The following USP3 variants were observed in gnomAD, a reference collection of about 807,000 sequenced individuals.
USP3 encodes ubiquitin carboxyl-terminal hydrolase 3.
USP3 carries 20 observed loss-of-function variants against 72.3 expected under a neutral mutation model. The ratio of observed to expected loss-of-function variants is 0.28; its 90% CI spans 0.19 to 0.40. The LOEUF (loss-of-function observed/expected upper bound fraction) is 0.40. USP3 is among the 10% of genes least tolerant of loss of function. The pLI is 1.00. For synonymous variants in USP3, 222 were observed against 225.3 expected (o/e 0.99, Z 0.13); for missense variants, 479 against 633.9 (o/e 0.76, Z 2.62).
In USP3 at chr15:63,593,632, A is replaced by G. The variant is rs887521274; in HGVS notation, c.*2806A>G. ...GTTTTACTTGAACAGAAACGTTTGAATGGTGTGAAGATTCTTTAGAAAAGT... is the reference window on the plus strand; with the variant it reads ...GTTTTACTTGAACAGAAACGTTTGAGTGGTGTGAAGATTCTTTAGAAAAGT... On this transcript the variant is annotated 3_prime_UTR_variant, in exon 15 of 15. Transcript: ENST00000380324. 1 of 152,226 alleles carries G rather than the reference A, an allele frequency of 6.6e-6. No homozygotes were observed. The highest frequency in any genetic ancestry group is 2.4e-5 in the African/African-American group (1 of 41,454). The allele number at this position is 152,226 out of a possible 1,614,324, so 9.4% of individuals were successfully genotyped here. A position where few individuals can be genotyped will look rare whatever the true frequency, so the allele number is the denominator to read the frequency against.
At chr15:63,511,799 A>G (rs1277601226) in intron 1 of USP3, among the ~76,000 whole-genome samples, 1 of 151,992 alleles carries the variant, frequency 6.6e-6, no homozygotes. Context: ...AGAATTTTGC[A>G]TTTGCTTCTG....
intron 3 of USP3, among the ~76,000 whole-genome samples, chr15:63,547,768 GA>G (rs2066359800): frequency 5.7e-5 from 1 of 17,398 alleles, no homozygotes; most frequent in African/African-American, 3.9e-4. Flanking sequence ...GAGGGAGAGA[GA>G]GAGAGAGAGA....
At chr15:63,558,302 T>A in intron 6 of USP3, 114 bp downstream of exon 6, 1 of 1,144,152 alleles carries the variant, frequency 8.7e-7, no homozygotes, top group Non-Finnish European at 1.3e-6. Flanking sequence ...CAAGATACCT[T>A]AATTTCCTGT....
chr15:63,572,340 G>A lies in USP3; in HGVS notation c.909-1706G>A, dbSNP rs556701191. 3.8e-4 allele frequency among the ~76,000 whole-genome samples: 58 copies of A among 151,850 alleles called. No individual in the cohort carries two copies. In the East Asian group the frequency reaches 0.011, roughly 28 times the overall value. On this transcript the variant is annotated intron_variant, in intron 9 of 14. Transcript: ENST00000380324. ...CAAACTTGTATGTGAACATCAGCATGAAAGGGTCAGTTAGAGTCCCTTCAT... is the reference window on the plus strand; with the variant it reads ...CAAACTTGTATGTGAACATCAGCATAAAAGGGTCAGTTAGAGTCCCTTCAT...
chr15:63,542,033 T>C, intron 3 of USP3: 2 of 985,134 alleles, frequency 2.0e-6, no homozygotes, highest in Non-Finnish European at 2.4e-6. Context: ...TTTATTTGTA[T>C]GATTATTCCT....
rs766820664 is a variant in USP3 at position 63,512,347 on chromosome 15, C to CT, written c.91+7518dup. ...CTTCTTCCTCTTCCTCCTCTTCCTC[C>CT]TCTTCCTCTTCTTCTTCTTTCTTCT... On this transcript the variant is annotated intron_variant, in intron 1 of 14. Transcript: ENST00000380324. 3.0e-3 allele frequency among the ~76,000 whole-genome samples: 298 copies of CT among 98,218 alleles called. 2 individuals are homozygous for CT. The highest frequency in any genetic ancestry group is 8.5e-3 in the African/African-American group (273 of 32,278). 64.4% of individuals were successfully genotyped at this position (98,218 alleles called of 152,430 possible).
chr15:63,540,034 C>T (rs1315171119), intron 3 of USP3, among the ~76,000 whole-genome samples: 1 of 152,160 alleles, frequency 6.6e-6, no homozygotes, highest in Non-Finnish European at 1.5e-5. Flanking sequence ...ACACTAATTT[C>T]TTGTGGTTAG....
At position 63,504,792 on chromosome 15, in the gene USP3, A is replaced by C. The variant is rs763008032; in HGVS notation, c.53A>C (p.Lys18Thr). 4 of 1,611,154 alleles carry C rather than the reference A, an allele frequency of 2.5e-6. No homozygotes were observed. Among genetic ancestry groups the C allele is most frequent in the Non-Finnish European group, 3.4e-6 (4 of 1,178,966 alleles). The change falls in exon 1 of 15, where the codon AAG (lysine) becomes ACG (threonine). Residue 18 changes from lysine (K) to threonine (T), a missense_variant. By Grantham distance (78) the Lys-to-Thr change is moderately conservative. Coordinates refer to ENST00000380324, the MANE Select transcript of USP3 (RefSeq NM_006537.4). ...SSVCIAPDSA[K>T]FPNGSPSSWC... ...GTCTGCATTGCTCCGGACTCAGCCAAGTTCCCCAACGGCTCCCCGTCGTCC... is the reference window on the plus strand; with the variant it reads ...GTCTGCATTGCTCCGGACTCAGCCACGTTCCCCAACGGCTCCCCGTCGTCC...
rs983158406 is a variant in USP3, at chr15:63,544,600, C to T, written c.284+7444C>T. 7 of 651,318 alleles carry T rather than the reference C, an allele frequency of 1.1e-5. No homozygotes were observed. The highest frequency in any genetic ancestry group is 4.9e-5 in the Admixed American group (2 of 40,992). The allele number at this position is 651,318 out of a possible 1,614,324, so 40.3% of individuals were successfully genotyped here. On this transcript the variant is annotated intron_variant, in intron 3 of 14. Transcript: ENST00000380324. This position sits in a 1 kb window ranked among gnomAD's most constrained non-coding sequence, Gnocchi z 4.2. Reference sequence around the variant, plus strand: ...TACATTAAATTTTAGGACAAGAAAACGATTGAGCCATGCTGTGTGTTTTCA... The same window carrying T: ...TACATTAAATTTTAGGACAAGAAAATGATTGAGCCATGCTGTGTGTTTTCA...
intron 1 of USP3, among the ~76,000 whole-genome samples, chr15:63,523,350 G>C (rs562921641): frequency 6.6e-6 from 1 of 152,052 alleles, no homozygotes; most frequent in Non-Finnish European, 1.5e-5. Flanking sequence ...GCTCTGGAAC[G>C]AACTTAGCGT....
chr15:63,570,592 T>A lies in USP3; in HGVS notation c.908+13T>A. On this transcript the variant is annotated intron_variant, in intron 9 of 14. Coordinates refer to ENST00000380324, the MANE Select transcript of USP3 (RefSeq NM_006537.4). This position sits in a 1 kb window ranked among gnomAD's most constrained non-coding sequence, Gnocchi z 4.4. ...ACAAGTGTTGCATGTAAGATTTAGT[T>A]GCCTTCTGTTTTTTAGGAGGGCCTC... 6.3e-7 allele frequency: 1 copy of A among 1,598,824 alleles called. No individual in the cohort carries two copies. The highest frequency in any genetic ancestry group is 1.1e-5 in the South Asian group (1 of 88,812).
At chr15:63,542,791 TTC>T (rs1430960326) in intron 3 of USP3, among the ~76,000 whole-genome samples, 1 of 152,146 alleles carries the variant, frequency 6.6e-6, no homozygotes. Context: ...AGACTAATAC[TTC>T]CTGTCATCAT....
chr15:63,582,351 G>C (rs2066978755), intron 11 of USP3, among the ~76,000 whole-genome samples: 1 of 152,164 alleles, frequency 6.6e-6, no homozygotes, highest in Admixed American at 6.5e-5. Flanking sequence ...TCCCCAGGAG[G>C]CCCTACTGGG....
At chr15:63,590,552 A>AAAG (rs2152685678) in intron 14 of USP3, 109 bp from the exon 15 acceptor site, 1 of 1,080,066 alleles carries the variant, frequency 9.3e-7, no homozygotes, top group South Asian at 2.8e-5. Context: ...TCTTAAATCA[A>AAAG]AAGTCTAGGA....
At chr15:63,554,323 A>G (rs748173420) in intron 4 of USP3, among the ~76,000 whole-genome samples, 3 of 152,222 alleles carry the variant, frequency 2.0e-5, no homozygotes, top group Non-Finnish European at 2.9e-5. Flanking sequence ...TTGACATTAC[A>G]AGGAGCTATG....
intron 2 of USP3, among the ~76,000 whole-genome samples, chr15:63,536,246 G>GA (rs780654845): frequency 1.3e-5 from 2 of 152,174 alleles, no homozygotes; most frequent in African/African-American, 2.4e-5. Flanking sequence ...GTTTCCATAT[G>GA]AGAGGAGCTG....
chr15:63,562,580 C>T (rs2066625373), intron 7 of USP3, among the ~76,000 whole-genome samples: 1 of 152,182 alleles, frequency 6.6e-6, no homozygotes, highest in Admixed American at 6.5e-5. Flanking sequence ...AATGTACATT[C>T]TTAAGTCATT....
chr15:63,532,555 C>T (rs2066091987), intron 1 of USP3, 92 bp from the exon 2 acceptor site: 1 of 1,456,994 alleles, frequency 6.9e-7, no homozygotes, highest in South Asian at 1.1e-5. Flanking sequence ...CCTACATAGC[C>T]ATGGAATTTA....
In USP3 at chr15:63,592,250, CAA is replaced by C. The variant is rs1228128701; in HGVS notation, c.*1426_*1427del. 1 of 151,554 alleles carries C rather than the reference CAA, an allele frequency of 6.6e-6. No homozygotes were observed. Among genetic ancestry groups the C allele is most frequent in the Non-Finnish European group, 1.5e-5 (1 of 67,936 alleles). The allele number at this position is 151,554 out of a possible 1,614,324, so 9.4% of individuals were successfully genotyped here. On this transcript the variant is annotated 3_prime_UTR_variant, in exon 15 of 15. Transcript: ENST00000380324. ...TTGTTTTTAAAAAACAGATTTAACT[CAA>C]AGATTCAAATTTGGAACCAGAATCC...
Sources: gnomAD v4.1 joint callset for allele counts (sites outside exome capture counted in the v4.1 genomes callset) on GRCh38, gnomAD v4.1.1 for gene constraint, Gnocchi (gnomAD v3.1) non-coding constraint, MANE v1.5 for transcripts, NCBI Gene and HGNC (gene_info 2026-07-23, HGNC 2026-07-21) for gene names.